FAM20C: variants seen among roughly 807,000 people sequenced by gnomAD.
The protein encoded by FAM20C is extracellular serine/threonine protein kinase FAM20C.
Under a neutral mutation model 51.5 loss-of-function variants are expected in FAM20C, and 40 were observed. The ratio of observed to expected loss-of-function variants is 0.78; its 90% CI spans 0.60 to 1.01. The LOEUF (loss-of-function observed/expected upper bound fraction) is 1.01. Among genes scored for constraint, FAM20C ranks in the 50% least tolerant of loss-of-function variants. The probability of loss-of-function intolerance (pLI) is 0.00; values close to 1 mark genes in which losing one functional copy is unlikely to be tolerated. For missense variants in FAM20C, 861 were observed against 844.7 expected (o/e 1.02, Z -0.24); for synonymous variants, 406 against 380.6 (o/e 1.07, Z -0.78).
At chr7:232,294 G>A (rs1307962941) in intron 3 of FAM20C, among the ~76,000 whole-genome samples, 1 of 152,218 alleles carries the variant, frequency 6.6e-6, no homozygotes, top group Non-Finnish European at 1.5e-5. Flanking sequence ...CTACCTGTCT[G>A]TTCTCCCATG....
chr7:253,943 G>A (rs1210878277), intron 5 of FAM20C, among the ~76,000 whole-genome samples: 1 of 152,248 alleles, frequency 6.6e-6, no homozygotes, highest in Non-Finnish European at 1.5e-5. Flanking sequence ...CCCGGTGGGG[G>A]CTGCCTCGTC....
intron 4 of FAM20C, among the ~76,000 whole-genome samples, chr7:247,077 TCA>T (rs1240817724): frequency 2.0e-5 from 3 of 152,088 alleles, no homozygotes; most frequent in Non-Finnish European, 2.9e-5. Context: ...ACACAGAGAC[TCA>T]CAGAGCACAG....
At chr7:231,283 G>A (rs1486947053) in intron 3 of FAM20C, among the ~76,000 whole-genome samples, 2 of 152,294 alleles carry the variant, frequency 1.3e-5, no homozygotes, top group African/African-American at 2.4e-5. Context: ...CGGGGAGCCC[G>A]GGGTGGCCGG....
At chr7:236,138 T>C (rs1053519898) in intron 3 of FAM20C, among the ~76,000 whole-genome samples, 1 of 152,064 alleles carries the variant, frequency 6.6e-6, no homozygotes, top group Non-Finnish European at 1.5e-5. Context: ...TTCCAAAGCC[T>C]TTTTCCCGGG....
chr7:196,186 G>A (rs10263610), intron 2 of FAM20C, among the ~76,000 whole-genome samples: 10,181 of 152,304 alleles, frequency 0.067, 577 homozygotes, highest in African/African-American at 0.15. Context: ...TTTTGAAGCC[G>A]TCCTTCGTCA....
At chr7:244,913 G>A (rs530347663) in intron 3 of FAM20C, among the ~76,000 whole-genome samples, 34 of 152,304 alleles carry the variant, frequency 2.2e-4, no homozygotes, top group African/African-American at 6.7e-4. Flanking sequence ...GAAACGTTCC[G>A]GGAACACGGA....
At chr7:229,777 G>C (rs376924183) in intron 3 of FAM20C, among the ~76,000 whole-genome samples, 1 of 152,102 alleles carries the variant, frequency 6.6e-6, no homozygotes, top group Non-Finnish European at 1.5e-5. Flanking sequence ...AATATATCTC[G>C]CTAATGACAG....
chr7:244,309 T>C lies in FAM20C; in HGVS notation c.864-2106T>C, dbSNP rs562722087. ...TAGAACTAGTGTTCTGTGGAATGAG[T>C]TTTGCTCAAAGCCAATCCTTCCAAG... On this transcript the variant is annotated intron_variant, in intron 3 of 9. Transcript: ENST00000313766. Among the ~76,000 whole-genome samples the C allele has an allele frequency of 1.2e-4, 18 of 151,986 alleles. No homozygotes were observed. The South Asian group carries it at 3.8e-3, about 32-fold the overall frequency.
chr7:233,745 G>A (rs1340747489), intron 3 of FAM20C, among the ~76,000 whole-genome samples: 1 of 152,210 alleles, frequency 6.6e-6, no homozygotes, highest in Non-Finnish European at 1.5e-5. Flanking sequence ...GCCACGCGAG[G>A]CAGCAGTCAC....
At chr7:218,278 C>T (rs1787095990) in intron 3 of FAM20C, among the ~76,000 whole-genome samples, 1 of 152,222 alleles carries the variant, frequency 6.6e-6, no homozygotes, top group Admixed American at 6.5e-5. Flanking sequence ...GCTCCTCGCC[C>T]TGCAGGCCTG....
chr7:218,792 G>A lies in FAM20C; in HGVS notation c.863+9816G>A, dbSNP rs373129851. Among the ~76,000 whole-genome samples, 11 of 151,942 alleles carry A rather than the reference G, an allele frequency of 7.2e-5. No individual in the cohort carries two copies. In the East Asian group the frequency reaches 2.1e-3, roughly 29 times the overall value. ...GCACAGATCACTCCCGTCCGGCCGG[G>A]AGCTGACACGGGCCCAGGACGCACA... On this transcript the variant is annotated intron_variant, in intron 3 of 9. Transcript: ENST00000313766.
chr7:216,978 G>T (rs1052046379), intron 3 of FAM20C, among the ~76,000 whole-genome samples: 1 of 152,116 alleles, frequency 6.6e-6, no homozygotes, highest in East Asian at 1.9e-4. Flanking sequence ...ACCCTGAACG[G>T]CCTCATCCCA....
At chr7:194,949 C>T (rs1198342839) in intron 1 of FAM20C, among the ~76,000 whole-genome samples, 4 of 152,202 alleles carry the variant, frequency 2.6e-5, no homozygotes, top group Non-Finnish European at 2.9e-5. Flanking sequence ...GGACAGGCTG[C>T]GTGGGCGGCG....
intron 3 of FAM20C, among the ~76,000 whole-genome samples, chr7:243,991 G>A (rs1044950508): frequency 6.6e-6 from 1 of 150,740 alleles, no homozygotes; most frequent in East Asian, 1.9e-4. Context: ...GTGTCATCCA[G>A]GCTGGATTGC....
At chr7:243,055 C>T (rs569281852) in intron 3 of FAM20C, among the ~76,000 whole-genome samples, 6 of 147,772 alleles carry the variant, frequency 4.1e-5, no homozygotes, top group African/African-American at 1.5e-4. Flanking sequence ...CCCAGGAGAC[C>T]TGTGCCACCC....
At chr7:234,474 G>A (rs2115125153) in intron 3 of FAM20C, among the ~76,000 whole-genome samples, 1 of 152,326 alleles carries the variant, frequency 6.6e-6, no homozygotes, top group East Asian at 1.9e-4. Flanking sequence ...GGCAGGGCCG[G>A]CGTGCCAGGA....
chr7:250,316 T>G (rs574051130), intron 5 of FAM20C, among the ~76,000 whole-genome samples: 1 of 152,244 alleles, frequency 6.6e-6, no homozygotes, highest in African/African-American at 2.4e-5. Flanking sequence ...TCATTTGCTT[T>G]CTTCCTCTCA....
At chr7:212,058 C>T (rs1786745280) in intron 3 of FAM20C, among the ~76,000 whole-genome samples, 1 of 152,316 alleles carries the variant, frequency 6.6e-6, no homozygotes, top group South Asian at 2.1e-4. Flanking sequence ...GGGGGCTGTG[C>T]CCAGGGCCTG....
intron 2 of FAM20C, among the ~76,000 whole-genome samples, chr7:196,940 G>T (rs897980253): frequency 1.3e-5 from 2 of 151,844 alleles, no homozygotes; most frequent in Non-Finnish European, 2.9e-5. Flanking sequence ...CTGAACCCCT[G>T]CCCCCCTCCA....
Sources: allele counts gnomAD v4.1 joint callset (sites outside exome capture counted in the v4.1 genomes callset), GRCh38; gene constraint gnomAD v4.1.1; transcripts MANE v1.5; gene names NCBI Gene and HGNC (gene_info 2026-07-23, HGNC 2026-07-21).